The following MCM8 variants were observed in gnomAD, a reference collection of about 807,000 sequenced individuals.
MCM8 encodes DNA helicase MCM8.
In MCM8, 85 loss-of-function variants were observed where a neutral mutation model predicts 98.9. The ratio of observed to expected loss-of-function variants is 0.86; its 90% CI spans 0.72 to 1.03. MCM8 has a LOEUF of 1.03. Ranked by LOEUF, MCM8 falls within the 50% of genes least tolerant of loss-of-function variation. The probability of loss-of-function intolerance (pLI) is 0.00; values close to 1 mark genes in which losing one functional copy is unlikely to be tolerated. For missense variants in MCM8, 951 were observed against 997.8 expected, an observed-to-expected ratio of 0.95 and a Z score of 0.63; for synonymous variants, 352 against 338.6, an observed-to-expected ratio of 1.04 and a Z score of -0.44.
Position 5,994,322 on chromosome 20 carries a change from T to C in MCM8, c.2454T>C (p.Ile818=), listed in dbSNP as rs912977037. ...NIQVADFENF[I]GSLNDQGYLL... is the part of the protein sequence containing the mutation. ...AGGTTGCTGATTTTGAAAATTTTAT[T>C]GGATCACTAAATGACCAGGGTTACC... is the stretch of plus-strand genomic sequence containing the variant. The change falls in exon 19 of 19, where the codon ATT becomes ATC. Residue 818 remains isoleucine (I), a synonymous_variant. Coordinates refer to ENST00000610722, the MANE Select transcript of MCM8 (RefSeq NM_032485.6). 1 of 1,602,708 alleles carries C rather than the reference T, an allele frequency of 6.2e-7. No individual in the cohort carries two copies. The highest frequency in any genetic ancestry group is 1.3e-5 in the African/African-American group (1 of 74,092).
intron 13 of MCM8, among the ~76,000 whole-genome samples, chr20:5,979,970 G>A (rs1048730749): frequency 2.6e-5 from 4 of 152,016 alleles, no homozygotes; most frequent in African/African-American, 9.7e-5. Context: ...AGCTCCATTG[G>A]TGGCTCTGCC....
chr20:5,970,345 A>T (rs968251874), intron 10 of MCM8, among the ~76,000 whole-genome samples: 17 of 152,284 alleles, frequency 1.1e-4, no homozygotes, highest in South Asian at 8.3e-4. Flanking sequence ...TTTACTTGGG[A>T]GGTGATTCTG....
In MCM8 at chr20:5,973,116, A is replaced by C. The variant is rs2089440074; in HGVS notation, c.1315A>C (p.Lys439Gln). The C allele has an allele frequency of 6.2e-7, 1 of 1,614,238 alleles. No individual in the cohort carries two copies. Among genetic ancestry groups the C allele is most frequent in the East Asian group, 2.2e-5 (1 of 44,876 alleles). The change falls in exon 12 of 19, where the codon AAA becomes CAA. Residue 439 changes from lysine (K) to glutamine (Q), a missense_variant. Lys to Gln is a moderately conservative substitution (Grantham distance 53, BLOSUM62 1). Transcript: ENST00000610722. ...AGGAAGCCAGAAATACGCAGATGAC[A>C]AAAACAGAATTCCAATTCGGGGAGA... ...FGGSQKYADD[K>Q]NRIPIRGDPH...
chr20:5,985,904 CT>C lies in MCM8; in HGVS notation c.1954-14del, dbSNP rs1266619672. 1 of 1,612,104 alleles carries C rather than the reference CT, an allele frequency of 6.2e-7. No individual in the cohort carries two copies. The highest frequency in any genetic ancestry group is 1.7e-5 in the Admixed American group (1 of 59,952). On this transcript the variant is annotated splice_polypyrimidine_tract_variant and intron_variant, in intron 15 of 18. Transcript: ENST00000610722. ...GCTACTTATCCTTGTTATCTTGGGC[CT>C]TTTAATCATGCTTCAGGTGGTTCCT...
At chr20:5,988,091 G>A (rs77555332) in intron 17 of MCM8, among the ~76,000 whole-genome samples, 11,179 of 152,020 alleles carry the variant, frequency 0.074, 517 homozygotes, top group East Asian at 0.24. Context: ...ATATTATTTT[G>A]GGTAGTTTTT....
At chr20:5,974,344 C>G (rs2089465547) in intron 12 of MCM8, among the ~76,000 whole-genome samples, 2 of 152,038 alleles carry the variant, frequency 1.3e-5, no homozygotes, top group Non-Finnish European at 2.9e-5. Context: ...CCAGGCTGGT[C>G]TCGAACTCCT....
At chr20:5,979,244 C>A (rs754264115) in intron 13 of MCM8, among the ~76,000 whole-genome samples, 17 of 152,178 alleles carry the variant, frequency 1.1e-4, no homozygotes, top group South Asian at 8.3e-4. Context: ...CTTTCTCAGT[C>A]GTTTACTGGT....
intron 6 of MCM8, among the ~76,000 whole-genome samples, chr20:5,958,160 A>G (rs1484267263): frequency 2.6e-5 from 4 of 152,316 alleles, no homozygotes; most frequent in Non-Finnish European, 4.4e-5. Flanking sequence ...CACGAGGTCA[A>G]GCGATCGAGA....
chr20:5,957,480 G>A (rs911172674), intron 6 of MCM8, among the ~76,000 whole-genome samples: 1 of 152,200 alleles, frequency 6.6e-6, no homozygotes, highest in Non-Finnish European at 1.5e-5. Flanking sequence ...GGTTTTGGAT[G>A]TGAACTTATC....
chr20:5,951,096 T>C (rs1268930890), intron 1 of MCM8, 73 bp downstream of exon 1: 4 of 152,236 alleles, frequency 2.6e-5, no homozygotes, highest in Non-Finnish European at 5.9e-5. Flanking sequence ...CTGTTTCTTT[T>C]TACTCTTTCT....
chr20:5,984,911 A>C lies in MCM8; in HGVS notation c.1864A>C (p.Ser622Arg). ...IRAGKQRTIS[S>R]ATVARMNSQD... ...AGCTGGAAAGCAGAGAACCATTAGCAGTGCCACAGTAGCTCGTATGAATAG... is the reference window on the plus strand; with the variant it reads ...AGCTGGAAAGCAGAGAACCATTAGCCGTGCCACAGTAGCTCGTATGAATAG... Residue 622 changes from serine (S) to arginine (R), a missense_variant, in exon 15 of 19, where the codon AGT becomes CGT. Transcript: ENST00000610722. The C allele has an allele frequency of 1.9e-6, 3 of 1,614,174 alleles. No individual in the cohort carries two copies. The highest frequency in any genetic ancestry group is 2.5e-6 in the Non-Finnish European group (3 of 1,180,022).
At position 5,955,958 on chromosome 20, in the gene MCM8, G is replaced by GAT. The variant is rs767255617; in HGVS notation, c.486+707_486+708insAT. 1.3e-3 allele frequency among the ~76,000 whole-genome samples: 198 copies of GAT among 152,046 alleles called. 1 individual carries two copies. The highest frequency in any genetic ancestry group is 2.5e-3 in the Non-Finnish European group (167 of 67,962). ...TAAGTTTTGGAGTTTTAGTAGAGAC[G>GAT]GGGTTTCACGATGTTGGCCAGGATG... On this transcript the variant is annotated intron_variant, in intron 5 of 18. Transcript: ENST00000610722.
Position 5,954,796 on chromosome 20 carries a change from C to T in MCM8, c.336+106C>T, listed in dbSNP as rs370795994. 77 of 693,712 alleles carry T rather than the reference C, an allele frequency of 1.1e-4. No individual in the cohort carries two copies. In the East Asian group the frequency reaches 1.3e-3, roughly 12 times the overall value. 43.0% of individuals were successfully genotyped at this position (693,712 alleles called of 1,614,324 possible). On this transcript the variant is annotated intron_variant, in intron 4 of 18. Coordinates refer to ENST00000610722, the MANE Select transcript of MCM8 (RefSeq NM_032485.6). ...GCACTGGAGTCAGACTTCCTTGGTT[C>T]AGACCTCAGTTCTGCCACTTACCTG... is the stretch of plus-strand genomic sequence containing the variant.
rs565633852 is a variant in MCM8, at chr20:5,988,162, A to G, written c.2240+804A>G. Among the ~76,000 whole-genome samples, 98 of 152,120 alleles carry G rather than the reference A, an allele frequency of 6.4e-4. No homozygotes were observed. The South Asian group carries it at 0.018, about 29-fold the overall frequency. ...ATACTTTCATAAGCTTCAAAATTCC[A>G]AAGTTCAAAAAGTATAGGCCAGGTA... On this transcript the variant is annotated intron_variant, in intron 17 of 18. Coordinates refer to ENST00000610722, the MANE Select transcript of MCM8 (RefSeq NM_032485.6).
chr20:5,974,124 G>A (rs961560267), intron 12 of MCM8, among the ~76,000 whole-genome samples: 17 of 152,098 alleles, frequency 1.1e-4, no homozygotes, highest in Admixed American at 6.6e-5. Context: ...TAAGCCAGCC[G>A]TAATGTGCTT....
chr20:5,958,108 C>G (rs1369998911), intron 6 of MCM8, among the ~76,000 whole-genome samples: 1 of 152,174 alleles, frequency 6.6e-6, no homozygotes, highest in Non-Finnish European at 1.5e-5. Context: ...CACGGTGGCT[C>G]ATGCCTGTAA....
intron 3 of MCM8, among the ~76,000 whole-genome samples, chr20:5,952,983 T>C (rs765161458): frequency 4.6e-5 from 7 of 152,206 alleles, no homozygotes; most frequent in Admixed American, 2.0e-4. Context: ...TTCTGAAGGC[T>C]ACCTTACAGA....
In MCM8 at chr20:5,974,534, CT is replaced by C. The variant is rs35358297; in HGVS notation, c.1395+1343del. ...AGTTGTAGTAGTATGGCTCCTAAAT[CT>C]TTTTCCAAGGATTGGGATCCTGGCT... On this transcript the variant is annotated intron_variant, in intron 12 of 18. Coordinates refer to ENST00000610722, the MANE Select transcript of MCM8 (RefSeq NM_032485.6). Among the ~76,000 whole-genome samples the C allele has an allele frequency of 1.8e-4, 28 of 152,312 alleles. No homozygotes were observed. The East Asian group carries it at 4.4e-3, about 24-fold the overall frequency.
intron 13 of MCM8, among the ~76,000 whole-genome samples, chr20:5,979,245 G>A (rs1260022918): frequency 1.3e-5 from 2 of 151,968 alleles, no homozygotes; most frequent in South Asian, 2.1e-4. Flanking sequence ...TTTCTCAGTC[G>A]TTTACTGGTT....
Sources: gnomAD v4.1 joint callset for allele counts (sites outside exome capture counted in the v4.1 genomes callset) on GRCh38, gnomAD v4.1.1 for gene constraint, MANE v1.5 for transcripts, NCBI Gene and HGNC (gene_info 2026-07-23, HGNC 2026-07-21) for gene names.